Variants in FXYD6 observed in about 807,000 individuals in gnomAD.
The protein encoded by FXYD6 is FXYD domain containing ion transport regulator 6.
A neutral mutation model predicts 16.7 loss-of-function variants in FXYD6; 7 were observed. That is an observed-to-expected ratio of 0.42 (90% CI 0.24 to 0.79). The LOEUF (loss-of-function observed/expected upper bound fraction) is 0.79, where lower values mean the gene tolerates loss of function less well. Among genes scored for constraint, FXYD6 ranks in the 30% least tolerant of loss-of-function variants. FXYD6 has a pLI of 0.28. For synonymous variants in FXYD6, 49 were observed against 43.0 expected (o/e 1.14, Z -0.54); for missense variants, 111 against 116.2 (o/e 0.95, Z 0.21).
chr11:117,872,024 C>T lies in FXYD6; in HGVS notation c.-6+4568G>A, dbSNP rs1565333199. Among the ~76,000 whole-genome samples the T allele has an allele frequency of 6.6e-6, 1 of 152,170 alleles. No homozygotes were observed. The highest frequency in any genetic ancestry group is 1.5e-5 in the Non-Finnish European group (1 of 68,034). On this transcript the variant is annotated intron_variant, in intron 1 of 7. Coordinates refer to ENST00000526014, the MANE Select transcript of FXYD6 (RefSeq NM_022003.4). The surrounding 1 kb of genome is among the most constrained non-coding windows in gnomAD (Gnocchi z 4.9). ...TCACGCTGAGCCTGGAGTGCCTACA[C>T]CATGTACCTGTGCTTATTAATAGGC...
At chr11:117,865,100 G>A (rs2056986999) in intron 1 of FXYD6, among the ~76,000 whole-genome samples, 1 of 152,108 alleles carries the variant, frequency 6.6e-6, no homozygotes, top group Admixed American at 6.5e-5. Context: ...TGGCCAATAA[G>A]CACATGGAAA....
At position 117,841,830 on chromosome 11, in the gene FXYD6, C is replaced by T. The variant is rs759651019; in HGVS notation, c.133G>A (p.Ala45Thr). The T allele has an allele frequency of 1.2e-6, 2 of 1,613,932 alleles. No homozygotes were observed. The highest frequency in any genetic ancestry group is 1.7e-6 in the Non-Finnish European group (2 of 1,180,008). The change falls in exon 4 of 8, where the codon GCT becomes ACT. Residue 45 changes from alanine (A) to threonine (T), a missense_variant. Coordinates refer to ENST00000526014, the MANE Select transcript of FXYD6 (RefSeq NM_022003.4). The part of the protein sequence containing the change: ...QTLRIGGLVF[A>T]VVLFSVGILL... ...ATCCCAACCGAGAAGAGGACCACAGCGAACACCAGTCCCCCAATCCTCAGG... is the reference window on the plus strand; with the variant it reads ...ATCCCAACCGAGAAGAGGACCACAGTGAACACCAGTCCCCCAATCCTCAGG...
At chr11:117,843,752 GT>G in intron 1 of FXYD6, 1 of 152,218 alleles carries the variant, frequency 6.6e-6, no homozygotes, top group African/African-American at 2.4e-5. Context: ...TTGAAGGCTG[GT>G]TCCACGAGCC....
chr11:117,862,147 G>C (rs894290536), intron 1 of FXYD6, among the ~76,000 whole-genome samples: 3 of 152,258 alleles, frequency 2.0e-5, no homozygotes, highest in Non-Finnish European at 4.4e-5. Context: ...AAGAGGCTTC[G>C]AGACGGGAGA....
intron 4 of FXYD6, 128 bp from the exon 5 acceptor site, chr11:117,841,312 C>T: frequency 8.1e-7 from 1 of 1,234,696 alleles, no homozygotes; most frequent in Non-Finnish European, 1.1e-6. Context: ...GTTTGCACAG[C>T]TGCACACAGT....
intron 1 of FXYD6, among the ~76,000 whole-genome samples, chr11:117,857,490 A>G (rs1177621694): frequency 6.6e-6 from 1 of 150,964 alleles, no homozygotes; most frequent in African/African-American, 2.5e-5. Flanking sequence ...GCTCACTGCA[A>G]CCTCTGCTGC....
At chr11:117,858,150 C>T (rs962028654) in intron 1 of FXYD6, 1 of 152,400 alleles carries the variant, frequency 6.6e-6, no homozygotes, top group African/African-American at 2.4e-5. Flanking sequence ...CCCCCTGCTT[C>T]CCATCCATGC....
intron 1 of FXYD6, among the ~76,000 whole-genome samples, chr11:117,853,790 GC>G (rs2056662036): frequency 6.6e-6 from 1 of 152,190 alleles, no homozygotes; most frequent in Admixed American, 6.5e-5. Context: ...ACCATGCCTG[GC>G]CCAGTTATCT....
At chr11:117,869,833 G>A (rs768149928) in intron 1 of FXYD6, among the ~76,000 whole-genome samples, 7 of 151,138 alleles carry the variant, frequency 4.6e-5, no homozygotes, top group Non-Finnish European at 8.8e-5. Context: ...ATAAGCGGAG[G>A]CATGGTGGAG....
At chr11:117,875,120 A>G (rs201356857) in intron 1 of FXYD6, among the ~76,000 whole-genome samples, 2 of 143,938 alleles carry the variant, frequency 1.4e-5, no homozygotes, top group East Asian at 2.0e-4. Flanking sequence ...GTGTGTGTGC[A>G]TGCACAGTGC....
At chr11:117,847,760 A>C (rs1348626203) in intron 1 of FXYD6, among the ~76,000 whole-genome samples, 2 of 152,036 alleles carry the variant, frequency 1.3e-5, no homozygotes, top group Non-Finnish European at 2.9e-5. Flanking sequence ...AATCCAGTCT[A>C]TCATTGTTGG....
intron 1 of FXYD6, among the ~76,000 whole-genome samples, chr11:117,866,010 G>A (rs2057006101): frequency 2.0e-5 from 3 of 152,160 alleles, no homozygotes; most frequent in African/African-American, 7.2e-5. Flanking sequence ...GAACCTTGAG[G>A]ACGTGAGGCC....
intron 2 of FXYD6, 139 bp from the exon 3 acceptor site, chr11:117,842,167 T>C: frequency 7.4e-7 from 1 of 1,344,044 alleles, no homozygotes; most frequent in Non-Finnish European, 1.0e-6. Context: ...TGCCTAGAGG[T>C]GCACGGTAGG....
chr11:117,859,648 T>C (rs926042355), intron 1 of FXYD6, among the ~76,000 whole-genome samples: 1 of 152,158 alleles, frequency 6.6e-6, no homozygotes, highest in African/African-American at 2.4e-5. Flanking sequence ...ATCCAAGAAC[T>C]AAGGAGGCCT....
intron 6 of FXYD6, 105 bp from the exon 7 acceptor site, chr11:117,839,935 T>C (rs1591549758): frequency 6.9e-7 from 1 of 1,439,608 alleles, no homozygotes; most frequent in African/African-American, 1.4e-5. Context: ...AGCAAAGAGG[T>C]GACGGGCATG....
rs558572317 is a variant in FXYD6, at chr11:117,842,666, G to A, written c.58+53C>T. 3.3e-5 allele frequency: 51 copies of A among 1,523,658 alleles called. No homozygotes were observed. In the Admixed American group the frequency reaches 5.3e-4, roughly 16 times the overall value. The allele number at this position is 1,523,658 out of a possible 1,614,324, so 94.4% of individuals were successfully genotyped here. On this transcript the variant is annotated intron_variant, in intron 2 of 7. Coordinates refer to ENST00000526014, the MANE Select transcript of FXYD6 (RefSeq NM_022003.4). ...GGGGCCCAGAACCTTCCAGCAGAGA[G>A]GGCTGGACAGGGTTGTCATCTTGTC... is the stretch of plus-strand genomic sequence containing the variant.
At chr11:117,859,364 C>A (rs1053133124) in intron 1 of FXYD6, among the ~76,000 whole-genome samples, 32 of 152,338 alleles carry the variant, frequency 2.1e-4, no homozygotes, top group Non-Finnish European at 3.5e-4. Context: ...GGCCTTGAAC[C>A]AGAAGGCTGG....
intron 7 of FXYD6, 76 bp from the exon 8 acceptor site, chr11:117,838,353 G>A: frequency 2.9e-6 from 2 of 699,482 alleles, no homozygotes; most frequent in South Asian, 3.0e-5. Flanking sequence ...TCCCTTCCTT[G>A]AGCACCTGCC....
chr11:117,875,180 A>G (rs2057229173), intron 1 of FXYD6, among the ~76,000 whole-genome samples: 3 of 151,890 alleles, frequency 2.0e-5, no homozygotes, highest in African/African-American at 4.8e-5. Context: ...GTGGTGCGGT[A>G]TATATGCGGT....
Sources: allele counts gnomAD v4.1 joint callset (sites outside exome capture counted in the v4.1 genomes callset), GRCh38; gene constraint gnomAD v4.1.1; non-coding constraint Gnocchi (gnomAD v3.1); transcripts MANE v1.5; gene names NCBI Gene and HGNC (gene_info 2026-07-23, HGNC 2026-07-21).